Variants in HS6ST3 observed in about 807,000 individuals in gnomAD.
The protein encoded by HS6ST3 is heparan sulfate 6-O-sulfotransferase 3.
Under a neutral mutation model 36.7 loss-of-function variants are expected in HS6ST3, and 12 were observed. The observed-to-expected ratio is 0.33, with a 90% CI of 0.21 to 0.53. The LOEUF (loss-of-function observed/expected upper bound fraction) is 0.53. HS6ST3 is among the 20% of genes least tolerant of loss of function. The probability of loss-of-function intolerance (pLI) is 0.95; values close to 1 mark genes in which losing one functional copy is unlikely to be tolerated. For missense variants in HS6ST3, 584 were observed against 640.9 expected, an observed-to-expected ratio of 0.91 and a Z score of 0.96; for synonymous variants, 240 against 257.5, an observed-to-expected ratio of 0.93 and a Z score of 0.65.
intron 1 of HS6ST3, among the ~76,000 whole-genome samples, chr13:96,280,308 A>C (rs2054769325): frequency 6.6e-6 from 1 of 152,182 alleles, no homozygotes; most frequent in Admixed American, 6.5e-5. Flanking sequence ...TTGCCAAAAA[A>C]TTGCCAATGA....
At chr13:96,564,205 A>G (rs906517368) in intron 1 of HS6ST3, among the ~76,000 whole-genome samples, 1 of 152,186 alleles carries the variant, frequency 6.6e-6, no homozygotes, top group African/African-American at 2.4e-5. Flanking sequence ...TGCGTTTTGT[A>G]GAACTTTTCT....
At chr13:96,565,454 A>C (rs1470850729) in intron 1 of HS6ST3, among the ~76,000 whole-genome samples, 1 of 152,032 alleles carries the variant, frequency 6.6e-6, no homozygotes, top group Admixed American at 6.6e-5. Flanking sequence ...TGTTAGTATC[A>C]TTTTCCTACT....
At chr13:96,146,124 CTT>C (rs2054056960) in intron 1 of HS6ST3, among the ~76,000 whole-genome samples, 1 of 152,142 alleles carries the variant, frequency 6.6e-6, no homozygotes, top group Non-Finnish European at 1.5e-5. Flanking sequence ...TTAGGATTGT[CTT>C]GGCAATGCAG....
At chr13:96,541,069 C>T (rs1023537583) in intron 1 of HS6ST3, among the ~76,000 whole-genome samples, 1 of 152,150 alleles carries the variant, frequency 6.6e-6, no homozygotes, top group African/African-American at 2.4e-5. Context: ...GTCTCACTCT[C>T]TCTCCCAGGC....
intron 1 of HS6ST3, among the ~76,000 whole-genome samples, chr13:96,227,229 T>C (rs896669339): frequency 2.0e-5 from 3 of 152,196 alleles, no homozygotes; most frequent in Non-Finnish European, 4.4e-5. Flanking sequence ...ATTTACCCAT[T>C]TTTGCTCTAA....
At chr13:96,159,230 A>T (rs1390474009) in intron 1 of HS6ST3, among the ~76,000 whole-genome samples, 4 of 152,154 alleles carry the variant, frequency 2.6e-5, no homozygotes, top group Non-Finnish European at 4.4e-5. Context: ...GGAAAGACAC[A>T]AGGATCAATG....
intron 1 of HS6ST3, among the ~76,000 whole-genome samples, chr13:96,749,267 A>G (rs939568533): frequency 1.6e-4 from 25 of 152,156 alleles, no homozygotes; most frequent in Admixed American, 6.5e-5. Flanking sequence ...ATCATTAAGG[A>G]TAAGTCAAGA....
intron 1 of HS6ST3, among the ~76,000 whole-genome samples, chr13:96,270,169 A>AGT (rs1027958128): frequency 1.3e-5 from 2 of 151,642 alleles, no homozygotes; most frequent in Admixed American, 6.6e-5. Context: ...TTTGCACTTG[A>AGT]GTGTGTGTGT....
At chr13:96,406,934 TATA>T (rs2055481686) in intron 1 of HS6ST3, among the ~76,000 whole-genome samples, 1 of 152,172 alleles carries the variant, frequency 6.6e-6, no homozygotes, top group Non-Finnish European at 1.5e-5. Context: ...ACAAGATACA[TATA>T]CAACTGTACA....
At chr13:96,251,789 C>T (rs1335434475) in intron 1 of HS6ST3, among the ~76,000 whole-genome samples, 1 of 151,640 alleles carries the variant, frequency 6.6e-6, no homozygotes, top group Non-Finnish European at 1.5e-5. Context: ...TTTTGATTTC[C>T]CTTTTTAGTT....
At chr13:96,377,071 T>C (rs1428485218) in intron 1 of HS6ST3, among the ~76,000 whole-genome samples, 1 of 148,190 alleles carries the variant, frequency 6.7e-6, no homozygotes, top group African/African-American at 2.5e-5. Context: ...ATTTTATATA[T>C]ATATATAATT....
intron 1 of HS6ST3, among the ~76,000 whole-genome samples, chr13:96,737,390 C>T (rs1876310288): frequency 6.6e-6 from 1 of 151,652 alleles, no homozygotes; most frequent in Admixed American, 6.6e-5. Flanking sequence ...CTTTGGGAGG[C>T]CGAGGCGGGT....
chr13:96,461,229 C>G (rs2055782570), intron 1 of HS6ST3, among the ~76,000 whole-genome samples: 1 of 152,038 alleles, frequency 6.6e-6, no homozygotes, highest in Admixed American at 6.6e-5. Context: ...TTTTATGTGC[C>G]AGACGTTGGG....
chr13:96,634,853 C>A (rs1422259812), intron 1 of HS6ST3, among the ~76,000 whole-genome samples: 1 of 113,902 alleles, frequency 8.8e-6, no homozygotes, highest in African/African-American at 3.1e-5. Context: ...TTCATCTACT[C>A]CCAAGGATTG....
chr13:96,143,513 T>C (rs2054042194), intron 1 of HS6ST3, among the ~76,000 whole-genome samples: 1 of 150,838 alleles, frequency 6.6e-6, no homozygotes, highest in Non-Finnish European at 1.5e-5. Context: ...TATTTGTAAG[T>C]GGTTTATTGC....
intron 1 of HS6ST3, among the ~76,000 whole-genome samples, chr13:96,228,529 G>A (rs987687779): frequency 6.6e-6 from 1 of 152,174 alleles, no homozygotes; most frequent in Non-Finnish European, 1.5e-5. Flanking sequence ...ACCTCCCAAA[G>A]TGCGAGGATT....
At position 96,677,529 on chromosome 13, in the gene HS6ST3, CAT is replaced by C. The variant is rs559634589; in HGVS notation, c.708-154956_708-154955del. Among the ~76,000 whole-genome samples the C allele has an allele frequency of 1.6e-4, 25 of 152,078 alleles. No homozygotes were observed. The East Asian group carries it at 2.9e-3, about 18-fold the overall frequency. On this transcript the variant is annotated intron_variant, in intron 1 of 1. Transcript: ENST00000376705. ...TATACACATACATATGTTATATATG[CAT>C]ATATGTGTGTGTGTATATGGATGTT...
At chr13:96,677,302 C>G (rs1011553018) in intron 1 of HS6ST3, among the ~76,000 whole-genome samples, 1 of 152,114 alleles carries the variant, frequency 6.6e-6, no homozygotes, top group East Asian at 1.9e-4. Flanking sequence ...AGAGCAGGCA[C>G]ACTAGACAGA....
intron 1 of HS6ST3, among the ~76,000 whole-genome samples, chr13:96,377,274 G>A (rs1383146989): frequency 3.3e-5 from 5 of 151,656 alleles, no homozygotes; most frequent in Non-Finnish European, 7.4e-5. Context: ...AGGATTGCTT[G>A]TGCCTGGTAG....
Sources: gnomAD v4.1 joint callset for allele counts (sites outside exome capture counted in the v4.1 genomes callset) on GRCh38, gnomAD v4.1.1 for gene constraint, MANE v1.5 for transcripts, NCBI Gene and HGNC (gene_info 2026-07-23, HGNC 2026-07-21) for gene names.